PRR14: variants seen among roughly 807,000 people sequenced by gnomAD.
The protein encoded by PRR14 is proline rich 14, also known as proline-rich protein 14.
A neutral mutation model predicts 57.2 loss-of-function variants in PRR14; 33 were observed. That is an observed-to-expected ratio of 0.58 (90% CI 0.44 to 0.77). The LOEUF is 0.77. Ranked by LOEUF, PRR14 falls within the 30% of genes least tolerant of loss-of-function variation. The pLI is 0.00. For synonymous variants in PRR14, 303 were observed against 314.7 expected (o/e 0.96, Z 0.39); for missense variants, 716 against 788.1 (o/e 0.91, Z 1.10).
chr16:30,652,011 T>G (rs766635849), intron 3 of PRR14, 47 bp downstream of exon 3: 2 of 1,510,404 alleles, frequency 1.3e-6, no homozygotes, highest in Non-Finnish European at 1.8e-6. Flanking sequence ...ATGACTTTCC[T>G]CACTACCAAA....
chr16:30,655,474 T>A lies in PRR14; in HGVS notation c.1315-28T>A. The A allele has an allele frequency of 1.9e-6, 3 of 1,613,944 alleles. No individual in the cohort carries two copies. Among genetic ancestry groups the A allele is most frequent in the Non-Finnish European group, 2.5e-6 (3 of 1,179,800 alleles). On this transcript the variant is annotated intron_variant, in intron 9 of 11. Coordinates refer to ENST00000300835, the MANE Select transcript of PRR14 (RefSeq NM_024031.5). The surrounding 1 kb of genome is among the most constrained non-coding windows in gnomAD (Gnocchi z 4.6). Reference sequence around the variant, plus strand: ...TAGTGGGGGCCTGAGCCCATGTCACTCTTTCACCCTCTGCCCCATTTTTGC... The same window carrying A: ...TAGTGGGGGCCTGAGCCCATGTCACACTTTCACCCTCTGCCCCATTTTTGC...
Position 30,651,563 on chromosome 16 carries a change from ACCC to A in PRR14, c.-50-29_-50-27del, listed in dbSNP as rs1247715996. 3 of 695,114 alleles carry A rather than the reference ACCC, an allele frequency of 4.3e-6. No homozygotes were observed. In the East Asian group the frequency reaches 1.0e-4, roughly 24 times the overall value. 43.1% of individuals were successfully genotyped at this position (695,114 alleles called of 1,614,324 possible). ...AGCCCCAGGGAAGGGGCCGGCCCTCACCCCCCGCTCCCCCGCTCCCCCCTTACC... is the reference window on the plus strand; with the variant it reads ...AGCCCCAGGGAAGGGGCCGGCCCTCACCCGCTCCCCCGCTCCCCCCTTACC... On this transcript the variant is annotated intron_variant, in intron 1 of 11. Coordinates refer to ENST00000300835, the MANE Select transcript of PRR14 (RefSeq NM_024031.5). The surrounding 1 kb of genome is among the most constrained non-coding windows in gnomAD (Gnocchi z 5.0).
Position 30,655,238 on chromosome 16 carries a change from T to TG in PRR14, c.1244+25dup. ...AGGTAGTGCTCTCAAAAAACCCCCT[T>TG]GAAGCCTGGCTGCAGCCTGGTCCCA... On this transcript the variant is annotated intron_variant, in intron 8 of 11. Transcript: ENST00000300835. The surrounding 1 kb of genome is among the most constrained non-coding windows in gnomAD (Gnocchi z 4.6). 6.3e-7 allele frequency: 1 copy of TG among 1,594,172 alleles called. No homozygotes were observed. Among genetic ancestry groups the TG allele is most frequent in the Non-Finnish European group, 8.6e-7 (1 of 1,168,036 alleles).
intron 6 of PRR14, among the ~76,000 whole-genome samples, chr16:30,653,836 T>C (rs908604580): frequency 6.6e-6 from 1 of 152,142 alleles, no homozygotes; most frequent in Non-Finnish European, 1.5e-5. Flanking sequence ...CCGGCTAGTT[T>C]TTGTATGTTT....
In PRR14 at chr16:30,655,037, G is replaced by A. The variant is rs200227729; in HGVS notation, c.1067G>A (p.Arg356Gln). The A allele has an allele frequency of 4.0e-5, 65 of 1,610,504 alleles. No individual in the cohort carries two copies. The highest frequency in any genetic ancestry group is 1.6e-4 in the South Asian group (15 of 90,988). ...CCACCTGCTCCACCCCAACCAAGCC[G>A]ACCACGGCCGCGGCGGCACACTGTG... is the stretch of plus-strand genomic sequence containing the variant. ...TWPPAPPQPSRPRPRRHTVGG... is the reference protein window; with the variant it reads ...TWPPAPPQPSQPRPRRHTVGG... The change falls in exon 8 of 12, where the codon CGA becomes CAA. Residue 356 changes from arginine to glutamine, a missense_variant. Coordinates refer to ENST00000300835, the MANE Select transcript of PRR14 (RefSeq NM_024031.5). This position sits in a 1 kb window ranked among gnomAD's most constrained non-coding sequence, Gnocchi z 4.6.
In PRR14 at chr16:30,655,313, G is replaced by C; in HGVS notation, c.1245-38G>C. The C allele has an allele frequency of 6.2e-7, 1 of 1,611,802 alleles. No individual in the cohort carries two copies. The highest frequency in any genetic ancestry group is 8.5e-7 in the Non-Finnish European group (1 of 1,178,118). Reference sequence around the variant, plus strand: ...GGCAGGAGACGGGGGATAATGCAGTGAATCCTGTTTGTCCCTGAGCCTTGA... The same window carrying C: ...GGCAGGAGACGGGGGATAATGCAGTCAATCCTGTTTGTCCCTGAGCCTTGA... On this transcript the variant is annotated intron_variant, in intron 8 of 11. Transcript: ENST00000300835. The surrounding 1 kb of genome is among the most constrained non-coding windows in gnomAD (Gnocchi z 4.6).
Position 30,654,303 on chromosome 16 carries a change from G to A in PRR14, c.622G>A (p.Ala208Thr), listed in dbSNP as rs114820433. The change falls in exon 7 of 12, where the codon GCT (alanine) becomes ACT (threonine). Residue 208 changes from alanine to threonine, a missense_variant. Coordinates refer to ENST00000300835, the MANE Select transcript of PRR14 (RefSeq NM_024031.5). ...CCTAGAACCCCCATTCCAGCCATCT[G>A]CTCTGCCTGCAGACCCTCTGGAGAG... ...GDLEPPFQPS[A>T]LPADPLESPP... 6.5e-4 allele frequency: 1,049 copies of A among 1,614,056 alleles called. 8 individuals carry two copies. The African/African-American group carries it at 0.012, about 19-fold the overall frequency.
intron 7 of PRR14, 123 bp from the exon 8 acceptor site, chr16:30,654,506 T>A: frequency 1.0e-6 from 1 of 982,920 alleles, no homozygotes; most frequent in Non-Finnish European, 1.5e-6. Flanking sequence ...GTTCAATTCT[T>A]AAATGCAGAA....
Position 30,655,417 on chromosome 16 carries a change from C to G in PRR14, c.1311C>G (p.Thr437=), listed in dbSNP as rs746272819. 6 of 1,614,120 alleles carry G rather than the reference C, an allele frequency of 3.7e-6. No homozygotes were observed. The highest frequency in any genetic ancestry group is 1.3e-5 in the African/African-American group (1 of 75,056). Reference sequence around the variant, plus strand: ...ACCAGGTGCTTTCAGAACCTGAGACCAAGGTAGGCATTCAGATCGGGTAGA... The same window carrying G: ...ACCAGGTGCTTTCAGAACCTGAGACGAAGGTAGGCATTCAGATCGGGTAGA... ...SKDQVLSEPE[T]KTMGKVSRFR... The change falls in exon 9 of 12, where the codon ACC becomes ACG. Residue 437 remains threonine (T), a synonymous_variant. Transcript: ENST00000300835. This position sits in a 1 kb window ranked among gnomAD's most constrained non-coding sequence, Gnocchi z 4.6.
Position 30,653,101 on chromosome 16 carries a change from G to A in PRR14, c.502G>A (p.Glu168Lys). 1 of 1,599,980 alleles carries A rather than the reference G, an allele frequency of 6.3e-7. No homozygotes were observed. The highest frequency in any genetic ancestry group is 2.2e-5 in the East Asian group (1 of 44,744). The change falls in exon 5 of 12, where the codon GAG (glutamate) becomes AAG (lysine). Residue 168 changes from glutamate (E) to lysine (K), a missense_variant and splice_region_variant. Physicochemically the swap from Glu to Lys is moderately conservative, Grantham distance 56. Transcript: ENST00000300835. ...EDIASPRPPAEGFIDETPNFI... is the reference protein window; with the variant it reads ...EDIASPRPPAKGFIDETPNFI... ...CATCGCCAGTCCTAGACCCCCCGCT[G>A]AGGTATGGGAACTGAGGGTACGGAT...
rs776314714 is a variant in PRR14, at chr16:30,651,729, C to T, written c.23+61C>T. 3 of 1,611,848 alleles carry T rather than the reference C, an allele frequency of 1.9e-6. No homozygotes were observed. Among genetic ancestry groups the T allele is most frequent in the South Asian group, 1.1e-5 (1 of 91,074 alleles). ...CCCGGGAGATGGGGATCCTGGCGAC[C>T]GTGCCGGGAAACTACAGAGCCAGCG... On this transcript the variant is annotated intron_variant, in intron 2 of 11. Transcript: ENST00000300835. The surrounding 1 kb of genome is among the most constrained non-coding windows in gnomAD (Gnocchi z 5.0).
At chr16:30,652,179 C>T in intron 3 of PRR14, 1 of 638,978 alleles carries the variant, frequency 1.6e-6, no homozygotes, top group Non-Finnish European at 2.8e-6. Flanking sequence ...CGATTTTGGG[C>T]TGGAACCACA....
intron 3 of PRR14, chr16:30,652,341 G>A (rs778149882): frequency 4.8e-5 from 27 of 567,818 alleles, no homozygotes; most frequent in Admixed American, 3.1e-4. Context: ...GATTACAGGC[G>A]TGAGCCACGG....
chr16:30,653,721 C>CA (rs1205573662), intron 6 of PRR14, among the ~76,000 whole-genome samples: 1 of 152,146 alleles, frequency 6.6e-6, no homozygotes, highest in Non-Finnish European at 1.5e-5. Context: ...GGCTGGAGTG[C>CA]AATGGTGCGA....
At position 30,651,170 on chromosome 16, in the gene PRR14, G is replaced by A. The variant is rs2052307523; in HGVS notation, c.-51+43G>A. ...GGGATCCAGTCTAGGGGATCTGGTG[G>A]GATGGAGGGTCGTCGATGTATGGAG... On this transcript the variant is annotated intron_variant, in intron 1 of 11. Coordinates refer to ENST00000300835, the MANE Select transcript of PRR14 (RefSeq NM_024031.5). The surrounding 1 kb of genome is among the most constrained non-coding windows in gnomAD (Gnocchi z 5.0). The A allele has an allele frequency of 2.4e-6, 1 of 410,876 alleles. No homozygotes were observed. Among genetic ancestry groups the A allele is most frequent in the Non-Finnish European group, 5.1e-6 (1 of 196,904 alleles). 25.5% of individuals were successfully genotyped at this position (410,876 alleles called of 1,614,324 possible).
Position 30,651,320 on chromosome 16 carries a change from GGGACAAAGGCCTCGGGAGGCTCGGGCCGC to G in PRR14, c.-51+196_-51+224del. On this transcript the variant is annotated intron_variant, in intron 1 of 11. Coordinates refer to ENST00000300835, the MANE Select transcript of PRR14 (RefSeq NM_024031.5). The surrounding 1 kb of genome is among the most constrained non-coding windows in gnomAD (Gnocchi z 5.0). ...GGGGGATCTCGGGGCATAATCTGCA[GGGACAAAGGCCTCGGGAGGCTCGGGCCGC>G]GGGAGAACTGGGGCCGCTGCATTCT... 1 of 400,776 alleles carries G rather than the reference GGGACAAAGGCCTCGGGAGGCTCGGGCCGC, an allele frequency of 2.5e-6. No homozygotes were observed. Among genetic ancestry groups the G allele is most frequent in the Non-Finnish European group, 4.7e-6 (1 of 214,828 alleles). 24.8% of individuals were successfully genotyped at this position (400,776 alleles called of 1,614,324 possible).
At chr16:30,653,233 G>A in intron 5 of PRR14, 130 bp downstream of exon 5, 2 of 1,372,212 alleles carry the variant, frequency 1.5e-6, no homozygotes, top group Admixed American at 1.9e-5. Flanking sequence ...GGCAGACACT[G>A]CCTGAGCAAA....
Position 30,655,702 on chromosome 16 carries a change from T to G in PRR14, c.1406+109T>G. 1 of 1,307,190 alleles carries G rather than the reference T, an allele frequency of 7.6e-7. No homozygotes were observed. Among genetic ancestry groups the G allele is most frequent in the Non-Finnish European group, 1.1e-6 (1 of 909,772 alleles). The allele number at this position is 1,307,190 out of a possible 1,614,324, so 81.0% of individuals were successfully genotyped here. A position where few individuals can be genotyped will look rare whatever the true frequency, so the allele number is the denominator to read the frequency against. On this transcript the variant is annotated intron_variant, in intron 10 of 11. Transcript: ENST00000300835. The surrounding 1 kb of genome is among the most constrained non-coding windows in gnomAD (Gnocchi z 4.6). ...AGGGAGCACAGTCCAGCCTGAAAGA[T>G]TCAATTCGGTGTGGGGATGGTTTGT...
At chr16:30,652,406 G>A (rs1193489561) in intron 3 of PRR14, 2 of 573,080 alleles carry the variant, frequency 3.5e-6, no homozygotes, top group Admixed American at 2.5e-5. Context: ...TAGGAAGCAG[G>A]CTGAGGTCTT....
Sources: gnomAD v4.1 joint callset for allele counts (sites outside exome capture counted in the v4.1 genomes callset) on GRCh38, gnomAD v4.1.1 for gene constraint, Gnocchi (gnomAD v3.1) non-coding constraint, MANE v1.5 for transcripts, NCBI Gene and HGNC (gene_info 2026-07-23, HGNC 2026-07-21) for gene names.